IQCM: variants seen among roughly 807,000 people sequenced by gnomAD.
The protein encoded by IQCM is IQ domain-containing protein M.
A neutral mutation model predicts 57.6 loss-of-function variants in IQCM; 45 were observed. The observed-to-expected ratio is 0.78, with a 90% CI of 0.62 to 1.00. The LOEUF (loss-of-function observed/expected upper bound fraction) is 1.00, where lower values mean the gene tolerates loss of function less well. Ranked by LOEUF, IQCM falls within the 50% of genes least tolerant of loss-of-function variation. IQCM has a pLI of 0.00. For synonymous variants in IQCM, 148 were observed against 158.9 expected, an observed-to-expected ratio of 0.93 and a Z score of 0.51; for missense variants, 468 against 511.6, an observed-to-expected ratio of 0.91 and a Z score of 0.82.
rs1579449348 is a variant in IQCM at position 149,548,879 on chromosome 4, A to G, written c.1094-290T>C. Among the ~76,000 whole-genome samples the G allele has an allele frequency of 3.3e-5, 5 of 152,194 alleles. No homozygotes were observed. In the South Asian group the frequency reaches 8.3e-4, roughly 25 times the overall value. On this transcript the variant is annotated intron_variant, in intron 11 of 13. Coordinates refer to ENST00000636793, the MANE Select transcript of IQCM (RefSeq NM_001363507.2). ...TGTCAACTCAACCATGTCATAAGACATAGTTTTTATGACAGGACTTCTGAG... is the reference window on the plus strand; with the variant it reads ...TGTCAACTCAACCATGTCATAAGACGTAGTTTTTATGACAGGACTTCTGAG...
chr4:149,546,281 T>C (rs1483230157), intron 12 of IQCM, among the ~76,000 whole-genome samples: 1 of 152,222 alleles, frequency 6.6e-6, no homozygotes, highest in Non-Finnish European at 1.5e-5. Flanking sequence ...TAAACATACA[T>C]GTGCATGTGT....
chr4:149,524,790 C>T (rs1745996622), intron 12 of IQCM, among the ~76,000 whole-genome samples: 1 of 151,134 alleles, frequency 6.6e-6, no homozygotes, highest in Non-Finnish European at 1.5e-5. Flanking sequence ...ACATACAAGA[C>T]AATAAGAATG....
intron 2 of IQCM, among the ~76,000 whole-genome samples, chr4:149,749,752 C>T (rs545277514): frequency 6.6e-6 from 1 of 152,100 alleles, no homozygotes; most frequent in African/African-American, 2.4e-5. Context: ...TCAATATAAC[C>T]TATTAGAACC....
chr4:149,579,793 A>G (rs547577197), intron 9 of IQCM, among the ~76,000 whole-genome samples: 5 of 151,826 alleles, frequency 3.3e-5, no homozygotes, highest in Non-Finnish European at 2.9e-5. Flanking sequence ...AGATGGTAGC[A>G]TTTTCAGGAG....
chr4:149,391,730 T>A (rs1485642174), intron 13 of IQCM, among the ~76,000 whole-genome samples: 1 of 152,046 alleles, frequency 6.6e-6, no homozygotes, highest in Non-Finnish European at 1.5e-5. Flanking sequence ...ATTTCTTCTT[T>A]GATTCATTGG....
chr4:149,789,336 T>C (rs1459397085), intron 2 of IQCM, among the ~76,000 whole-genome samples: 1 of 152,298 alleles, frequency 6.6e-6, no homozygotes, highest in Admixed American at 6.5e-5. Flanking sequence ...AATTCTATTC[T>C]GAGATAACCC....
At chr4:149,779,257 C>A (rs1771382047) in intron 2 of IQCM, among the ~76,000 whole-genome samples, 1 of 152,040 alleles carries the variant, frequency 6.6e-6, no homozygotes, top group Admixed American at 6.5e-5. Context: ...CTTATAGATA[C>A]AGACAAGATT....
intron 13 of IQCM, among the ~76,000 whole-genome samples, chr4:149,353,788 G>A (rs1728733606): frequency 6.6e-6 from 1 of 152,112 alleles, no homozygotes; most frequent in African/African-American, 2.4e-5. Flanking sequence ...GGATGGAGAG[G>A]AAATGGGGGA....
At chr4:149,739,313 C>A (rs1029451633) in intron 3 of IQCM, among the ~76,000 whole-genome samples, 3 of 151,954 alleles carry the variant, frequency 2.0e-5, no homozygotes, top group African/African-American at 7.3e-5. Context: ...TAATATATGT[C>A]ACAGAGATTT....
At chr4:149,454,818 T>C (rs1737510767) in intron 12 of IQCM, among the ~76,000 whole-genome samples, 1 of 151,900 alleles carries the variant, frequency 6.6e-6, no homozygotes. Context: ...AGGCAGAAAG[T>C]TGATTAGTGG....
intron 7 of IQCM, among the ~76,000 whole-genome samples, chr4:149,669,788 G>C (rs1391184924): frequency 6.6e-6 from 1 of 152,122 alleles, no homozygotes; most frequent in Non-Finnish European, 1.5e-5. Flanking sequence ...GACGGTTGTA[G>C]GTGTGTGGTA....
chr4:149,553,162 C>T lies in IQCM; in HGVS notation c.1074G>A (p.Glu358=). Residue 358 remains glutamate, a synonymous_variant, in exon 11 of 14, where the codon GAG becomes GAA. Coordinates refer to ENST00000636793, the MANE Select transcript of IQCM (RefSeq NM_001363507.2). ...ACTTACATTTTTTTCGGTCCATCCACTCCTCTAGCTCTGCTAAGTTGAGAA... is the reference window on the plus strand; with the variant it reads ...ACTTACATTTTTTTCGGTCCATCCATTCCTCTAGCTCTGCTAAGTTGAGAA... The part of the protein sequence containing the change: ...RQILNLAELE[E]WMDRKKFYEI... The T allele has an allele frequency of 2.4e-6, 3 of 1,232,028 alleles. No individual in the cohort carries two copies. The highest frequency in any genetic ancestry group is 3.0e-6 in the Non-Finnish European group (3 of 987,880). The allele number at this position is 1,232,028 out of a possible 1,614,324, so 76.3% of individuals were successfully genotyped here.
intron 5 of IQCM, among the ~76,000 whole-genome samples, chr4:149,713,423 A>ATAATTAATGTG: frequency 6.6e-6 from 1 of 152,220 alleles, no homozygotes; most frequent in South Asian, 2.1e-4. Context: ...TGGTGTTTGT[A>ATAATTAATGTG]CTCTGCATAA....
chr4:149,740,292 G>A (rs1767339842), intron 3 of IQCM, among the ~76,000 whole-genome samples: 1 of 152,196 alleles, frequency 6.6e-6, no homozygotes, highest in South Asian at 2.1e-4. Flanking sequence ...CACAATGGGA[G>A]TCAGTTTAGC....
At chr4:149,468,373 C>T (rs568340728) in intron 12 of IQCM, among the ~76,000 whole-genome samples, 1 of 152,306 alleles carries the variant, frequency 6.6e-6, no homozygotes, top group African/African-American at 2.4e-5. Flanking sequence ...GAGCCTTGCT[C>T]ACTGCTAGCA....
In IQCM at chr4:149,576,100, C is replaced by A. The variant is rs190423354; in HGVS notation, c.749+11830G>T. 2.0e-3 allele frequency among the ~76,000 whole-genome samples: 310 copies of A among 151,728 alleles called. 3 individuals carry two copies. The highest frequency in any genetic ancestry group is 2.0e-3 in the Non-Finnish European group (133 of 67,810). On this transcript the variant is annotated intron_variant, in intron 9 of 13. Coordinates refer to ENST00000636793, the MANE Select transcript of IQCM (RefSeq NM_001363507.2). ...ATTTCACGTAATGGAAAAGCAAAAC[C>A]AGAAAAAATACTGTTTTTATTCCAA...
intron 8 of IQCM, among the ~76,000 whole-genome samples, chr4:149,588,513 CT>C (rs1006923608): frequency 6.6e-6 from 1 of 151,874 alleles, no homozygotes; most frequent in African/African-American, 2.4e-5. Context: ...GCCCTAATCC[CT>C]CAATGTGACT....
chr4:149,759,741 A>G (rs1769322685), intron 2 of IQCM, among the ~76,000 whole-genome samples: 1 of 152,140 alleles, frequency 6.6e-6, no homozygotes, highest in Admixed American at 6.5e-5. Context: ...AATAAACCAT[A>G]CCTATGAAAA....
chr4:149,442,330 A>G (rs1736022770), intron 12 of IQCM, among the ~76,000 whole-genome samples: 1 of 152,108 alleles, frequency 6.6e-6, no homozygotes, highest in Non-Finnish European at 1.5e-5. Flanking sequence ...TTTCCAAATC[A>G]TCTAGTCCTG....
Sources: allele counts gnomAD v4.1 joint callset (sites outside exome capture counted in the v4.1 genomes callset), GRCh38; gene constraint gnomAD v4.1.1; transcripts MANE v1.5; gene names NCBI Gene and HGNC (gene_info 2026-07-23, HGNC 2026-07-21).